Variants in ACLY observed in about 807,000 individuals in gnomAD.
The protein encoded by ACLY is ATP-citrate synthase.
Under a neutral mutation model 133.0 loss-of-function variants are expected in ACLY, and 41 were observed. The observed-to-expected ratio is 0.31, with a 90% CI of 0.24 to 0.40. The LOEUF (loss-of-function observed/expected upper bound fraction) is 0.40, where lower values mean the gene tolerates loss of function less well. Ranked by LOEUF, ACLY falls within the 10% of genes least tolerant of loss-of-function variation. ACLY has a pLI of 1.00. For synonymous variants in ACLY, 495 were observed against 549.3 expected, an observed-to-expected ratio of 0.90 and a Z score of 1.38; for missense variants, 1,046 against 1,453.8, an observed-to-expected ratio of 0.72 and a Z score of 4.56.
intron 9 of ACLY, among the ~76,000 whole-genome samples, chr17:41,905,152 T>C (rs2049673704): frequency 1.3e-5 from 2 of 152,204 alleles, no homozygotes; most frequent in African/African-American, 2.4e-5. Context: ...AAAGGGGCAC[T>C]GAGACTCACA....
chr17:41,909,121 A>G (rs2049814939), intron 5 of ACLY, 53 bp from the exon 6 acceptor site: 11 of 1,427,994 alleles, frequency 7.7e-6, no homozygotes, highest in Non-Finnish European at 1.1e-5. Flanking sequence ...GCAGCTCGGC[A>G]GCACCCCAGG....
intron 25 of ACLY, 56 bp downstream of exon 25, chr17:41,871,633 G>T: frequency 6.2e-7 from 1 of 1,605,448 alleles, no homozygotes; most frequent in South Asian, 1.1e-5. Context: ...GTGATTACAG[G>T]CATGGGCCAC....
chr17:41,869,482 T>A lies in ACLY; in HGVS notation c.3043A>T (p.Thr1015Ser), dbSNP rs782732336. 2 of 1,613,102 alleles carry A rather than the reference T, an allele frequency of 1.2e-6. No individual in the cohort carries two copies. The highest frequency in any genetic ancestry group is 1.7e-6 in the Non-Finnish European group (2 of 1,179,328). ...DYALEVEKIT[T>S]SKKPNLILNV... ...AGTTTTTTCTTTGTTACCTTCGAGGTGGTAATCTTCTCTACTTCCAGTGCA... is the reference window on the plus strand; with the variant it reads ...AGTTTTTTCTTTGTTACCTTCGAGGAGGTAATCTTCTCTACTTCCAGTGCA... The change falls in exon 26 of 29, where the codon ACC (threonine) becomes TCC (serine). Residue 1015 changes from threonine (T) to serine (S), a missense_variant. Around this residue, in one of 4 missense-constraint regions of ACLY, gnomAD observed 205 missense variants for 373.3 expected, o/e 0.55. Transcript: ENST00000352035.
Position 41,898,739 on chromosome 17 carries a change from G to A in ACLY, c.1230C>T (p.His410=), listed in dbSNP as rs1555630935. ...GGGCCATGCCCACAATGGCCGTCATGTGAGTCTCTGTGCCAAAGACATGGA... is the reference window on the plus strand; with the variant it reads ...GGGCCATGCCCACAATGGCCGTCATATGAGTCTCTGTGCCAAAGACATGGA... ...IPIHVFGTET[H]MTAIVGMALG... Residue 410 remains histidine, a synonymous_variant, in exon 12 of 29, where the codon CAC becomes CAT. Transcript: ENST00000352035. The A allele has an allele frequency of 6.2e-7, 1 of 1,614,096 alleles. No homozygotes were observed. Among genetic ancestry groups the A allele is most frequent in the East Asian group, 2.2e-5 (1 of 44,872 alleles).
intron 28 of ACLY, 109 bp downstream of exon 28, chr17:41,868,600 T>TAAAAAAAAAA (rs372744524): frequency 3.9e-6 from 2 of 517,758 alleles, no homozygotes; most frequent in African/African-American, 3.3e-5. Context: ...AAAAGAAAAT[T>TAAAAAAAAAA]AAAAAAAAAA....
Position 41,887,583 on chromosome 17 carries a change from C to T in ACLY, c.1875+16G>A, listed in dbSNP as rs374283032. On this transcript the variant is annotated intron_variant, in intron 17 of 28. Coordinates refer to ENST00000352035, the MANE Select transcript of ACLY (RefSeq NM_001096.3). Reference sequence around the variant, plus strand: ...ATAGCATCGAACGTAAAAGGCTTTCCGGAGGGGAAGCTCACAGTGGCAGGT... The same window carrying T: ...ATAGCATCGAACGTAAAAGGCTTTCTGGAGGGGAAGCTCACAGTGGCAGGT... 4.0e-5 allele frequency: 65 copies of T among 1,611,676 alleles called. No homozygotes were observed. In the African/African-American group the frequency reaches 6.3e-4, roughly 16 times the overall value.
At chr17:41,888,407 G>C (rs1555628650) in intron 16 of ACLY, among the ~76,000 whole-genome samples, 1 of 152,172 alleles carries the variant, frequency 6.6e-6, no homozygotes, top group African/African-American at 2.4e-5. Flanking sequence ...AGCTATCTAA[G>C]GCTTTTCTTC....
intron 1 of ACLY, among the ~76,000 whole-genome samples, chr17:41,926,260 T>C (rs2050242471): frequency 6.6e-6 from 1 of 152,214 alleles, no homozygotes; most frequent in South Asian, 2.1e-4. Flanking sequence ...ATTCTAGCAC[T>C]CTTTATCCTG....
chr17:41,918,970 A>T, upstream of ACLY: 1 of 1,288,782 alleles, frequency 7.8e-7, no homozygotes, highest in Non-Finnish European at 1.0e-6. Context: ...GCTTCCCGGG[A>T]TCCGGCTTTT....
At chr17:41,893,821 A>G (rs1368273045) in intron 14 of ACLY, among the ~76,000 whole-genome samples, 1 of 152,158 alleles carries the variant, frequency 6.6e-6, no homozygotes, top group African/African-American at 2.4e-5. Context: ...AGTGCCCTCA[A>G]CCTGCTCTCC....
intron 2 of ACLY, 44 bp downstream of exon 2, chr17:41,913,671 A>G (rs1555634014): frequency 6.3e-7 from 1 of 1,599,338 alleles, no homozygotes; most frequent in African/African-American, 1.3e-5. Context: ...TCTTCCTCAG[A>G]CCCCGGGCCT....
At chr17:41,919,022 C>T, upstream of ACLY, 1 of 1,284,626 alleles carries the variant, frequency 7.8e-7, no homozygotes, top group South Asian at 1.2e-5. Context: ...CATCGGCTCG[C>T]GGCGAGAACG....
At chr17:41,889,552 A>AAAAAAAAAAAAAAAAAAAAAAAAAAAAAC (rs2049149102) in intron 16 of ACLY, among the ~76,000 whole-genome samples, 2 of 149,630 alleles carry the variant, frequency 1.3e-5, no homozygotes, top group African/African-American at 4.9e-5. Flanking sequence ...AAAAAAAAAA[A>AAAAAAAAAAAAAAAAAAAAAAAAAAAAAC]AAAAGAAGTA....
Position 41,890,675 on chromosome 17 carries a change from T to C in ACLY, c.1770+1604A>G, listed in dbSNP as rs1313467857. Among the ~76,000 whole-genome samples the C allele has an allele frequency of 1.8e-4, 26 of 147,350 alleles. 1 individual carries two copies. Among genetic ancestry groups the C allele is most frequent in the Non-Finnish European group, 3.3e-4 (22 of 67,036 alleles). Reference sequence around the variant, plus strand: ...TGCACTCCAGCCTGGGCAAAAAGAGTGAAACTCTGTCTCAAAAAAAAAAAA... The same window carrying C: ...TGCACTCCAGCCTGGGCAAAAAGAGCGAAACTCTGTCTCAAAAAAAAAAAA... On this transcript the variant is annotated intron_variant, in intron 16 of 28. Transcript: ENST00000352035.
upstream of ACLY, among the ~76,000 whole-genome samples, chr17:41,923,642 G>C (rs2050207638): frequency 6.6e-6 from 1 of 152,138 alleles, no homozygotes; most frequent in South Asian, 2.1e-4. Flanking sequence ...CCAGTGCCTA[G>C]CATGGGACTG....
intron 11 of ACLY, 113 bp from the exon 12 acceptor site, chr17:41,898,898 T>C (rs782049243): frequency 2.2e-5 from 23 of 1,052,614 alleles, no homozygotes; most frequent in South Asian, 3.2e-5. Flanking sequence ...GCGCATTCAG[T>C]GCAAGACCAA....
rs781824000 is a variant in ACLY at position 41,918,915 on chromosome 17, G to A, written c.-59C>T. On this transcript the variant is annotated 5_prime_UTR_variant, in exon 1 of 29. Transcript: ENST00000352035. The stretch of plus-strand genomic sequence containing the variant: ...GTCCGTGCGCGGCGCTTCTTCCACA[G>A]GCCCGACGAACCCCGCAAAATCCGG... 2 of 1,289,202 alleles carry A rather than the reference G, an allele frequency of 1.6e-6. No homozygotes were observed. Among genetic ancestry groups the A allele is most frequent in the African/African-American group, 1.5e-5 (1 of 65,904 alleles). 79.9% of individuals were successfully genotyped at this position (1,289,202 alleles called of 1,614,324 possible).
At chr17:41,906,422 C>T in intron 8 of ACLY, 106 bp downstream of exon 8, 3 of 979,434 alleles carry the variant, frequency 3.1e-6, no homozygotes, top group Non-Finnish European at 4.8e-6. Context: ...TTTCCTCTGC[C>T]CCAAATTCCC....
intron 14 of ACLY, among the ~76,000 whole-genome samples, chr17:41,893,530 A>G (rs2049275801): frequency 1.3e-5 from 2 of 152,224 alleles, no homozygotes; most frequent in African/African-American, 4.8e-5. Flanking sequence ...TATGCAAATG[A>G]GGTCTTAACA....
Sources: gnomAD v4.1 joint callset for allele counts (sites outside exome capture counted in the v4.1 genomes callset) on GRCh38, gnomAD v4.1.1 for gene constraint, gnomAD v4.1.1 regional missense constraint, MANE v1.5 for transcripts, NCBI Gene and HGNC (gene_info 2026-07-23, HGNC 2026-07-21) for gene names.